WWP1: variants seen among roughly 807,000 people sequenced by gnomAD.
WWP1 encodes WW domain containing E3 ubiquitin protein ligase 1, also known as NEDD4-like E3 ubiquitin-protein ligase WWP1.
In WWP1, 49 loss-of-function variants were observed where a neutral mutation model predicts 130.6. That is an observed-to-expected ratio of 0.38 (90% CI 0.30 to 0.48). The LOEUF is 0.48. Among genes scored for constraint, WWP1 ranks in the 20% least tolerant of loss-of-function variants. The pLI is 0.99. For missense variants in WWP1, 809 were observed against 1,100.6 expected (o/e 0.74, Z 3.75); for synonymous variants, 332 against 367.8 (o/e 0.90, Z 1.11).
In WWP1 at chr8:86,402,790, A is replaced by G. The variant is rs186405412; in HGVS notation, c.724+587A>G. ...GCTTTGCCACAAAAAATACTATGTA[A>G]TTCATGATATAAAATATATTTCTGA... On this transcript the variant is annotated intron_variant, in intron 8 of 24. Coordinates refer to ENST00000517970, the MANE Select transcript of WWP1 (RefSeq NM_007013.4). Among the ~76,000 whole-genome samples, 651 of 152,346 alleles carry G rather than the reference A, an allele frequency of 4.3e-3. 6 individuals carry two copies. Among genetic ancestry groups the G allele is most frequent in the African/African-American group, 0.015 (616 of 41,574 alleles).
At chr8:86,405,635 G>T (rs190498779) in intron 8 of WWP1, among the ~76,000 whole-genome samples, 36 of 152,126 alleles carry the variant, frequency 2.4e-4, no homozygotes, top group African/African-American at 8.0e-4. Flanking sequence ...GGGCTCAAGC[G>T]ATCCTCCTGC....
In WWP1 at chr8:86,461,805, A is replaced by G. The variant is rs1158172060; in HGVS notation, c.2628A>G (p.Glu876=). 1 of 1,614,110 alleles carries G rather than the reference A, an allele frequency of 6.2e-7. No individual in the cohort carries two copies. Among genetic ancestry groups the G allele is most frequent in the African/African-American group, 1.3e-5 (1 of 75,070 alleles). ...GSNGPQKFCI[E]KVGKDTWLPR... The stretch of plus-strand genomic sequence containing the variant: ...ATGGGCCTCAAAAGTTTTGCATTGA[A>G]AAAGTTGGCAAAGACACTTGGTTAC... The change falls in exon 24 of 25, where the codon GAA becomes GAG. Residue 876 remains glutamate, a synonymous_variant. Coordinates refer to ENST00000517970, the MANE Select transcript of WWP1 (RefSeq NM_007013.4).
chr8:86,435,320 G>GTAT (rs570295254), intron 14 of WWP1, 132 bp from the exon 15 acceptor site: 192 of 891,096 alleles, frequency 2.2e-4, no homozygotes, highest in Non-Finnish European at 2.4e-4. Flanking sequence ...CACCATGTAT[G>GTAT]TATACCCTTC....
intron 1 of WWP1, among the ~76,000 whole-genome samples, chr8:86,362,199 T>TATATATATATATATAC (rs1409280271): frequency 8.3e-6 from 1 of 121,030 alleles, no homozygotes; most frequent in African/African-American, 3.0e-5. Context: ...TATATATATA[T>TATATATATATATATAC]ATACTGGAAA....
chr8:86,363,006 A>G (rs925737678), intron 1 of WWP1, among the ~76,000 whole-genome samples: 3 of 152,196 alleles, frequency 2.0e-5, no homozygotes, highest in Non-Finnish European at 4.4e-5. Context: ...GCATTTATAT[A>G]GTACTCGATA....
At chr8:86,366,177 G>A (rs2130252005) in intron 1 of WWP1, among the ~76,000 whole-genome samples, 1 of 152,330 alleles carries the variant, frequency 6.6e-6, no homozygotes, top group East Asian at 1.9e-4. Flanking sequence ...CAGTGGTAGA[G>A]ATTCCTAGTG....
intron 9 of WWP1, among the ~76,000 whole-genome samples, chr8:86,421,218 C>A (rs891365861): frequency 1.3e-5 from 2 of 151,902 alleles, no homozygotes; most frequent in Admixed American, 6.6e-5. Context: ...CATGAGTGTT[C>A]CAGTGTAGGA....
chr8:86,438,548 G>A (rs1238254387), intron 16 of WWP1, 37 bp from the exon 17 acceptor site: 2 of 1,481,016 alleles, frequency 1.4e-6, no homozygotes, highest in Admixed American at 2.1e-5. Context: ...TGTACTGCAT[G>A]TGAGTATTTA....
chr8:86,396,685 C>T (rs1807692594), intron 5 of WWP1, among the ~76,000 whole-genome samples: 1 of 151,660 alleles, frequency 6.6e-6, no homozygotes, highest in Non-Finnish European at 1.5e-5. Context: ...CCTCGAACTC[C>T]TGGGCTTACA....
At chr8:86,430,512 A>C (rs763797591) in intron 11 of WWP1, among the ~76,000 whole-genome samples, 185 bp from the exon 12 acceptor site, 1 of 151,966 alleles carries the variant, frequency 6.6e-6, no homozygotes, top group Non-Finnish European at 1.5e-5. Flanking sequence ...CCTGGGCTTA[A>C]GTAATCCTCC....
At chr8:86,372,767 AT>A (rs1018506057) in intron 2 of WWP1, among the ~76,000 whole-genome samples, 3 of 150,520 alleles carry the variant, frequency 2.0e-5, no homozygotes, top group African/African-American at 7.3e-5. Context: ...ATTTTGTTTC[AT>A]TTTTTTCCCC....
intron 1 of WWP1, among the ~76,000 whole-genome samples, chr8:86,356,742 A>G (rs1001304103): frequency 6.6e-6 from 1 of 152,222 alleles, no homozygotes; most frequent in Admixed American, 6.5e-5. Flanking sequence ...TCTAGTAAAC[A>G]TAGTAACTGA....
chr8:86,346,549 T>G lies in WWP1; in HGVS notation c.-115+3619T>G, dbSNP rs151253512. Reference sequence around the variant, plus strand: ...ATGAAGATTCCTACTCAATTTTTTTTGGGTGGATTAAGTAGCTAGCTAGTA... The same window carrying G: ...ATGAAGATTCCTACTCAATTTTTTTGGGGTGGATTAAGTAGCTAGCTAGTA... On this transcript the variant is annotated intron_variant, in intron 1 of 24. Coordinates refer to ENST00000517970, the MANE Select transcript of WWP1 (RefSeq NM_007013.4). Among the ~76,000 whole-genome samples, 424 of 152,324 alleles carry G rather than the reference T, an allele frequency of 2.8e-3. 3 individuals are homozygous for G. Among genetic ancestry groups the G allele is most frequent in the African/African-American group, 8.2e-3 (340 of 41,570 alleles).
intron 3 of WWP1, among the ~76,000 whole-genome samples, chr8:86,375,628 C>T (rs1414946785): frequency 2.6e-5 from 4 of 152,050 alleles, no homozygotes; most frequent in Admixed American, 6.6e-5. Flanking sequence ...TTCATCATTG[C>T]GCCATATCCT....
intron 24 of WWP1, among the ~76,000 whole-genome samples, chr8:86,466,212 A>G (rs1051183887): frequency 2.0e-5 from 3 of 152,210 alleles, no homozygotes; most frequent in Admixed American, 1.3e-4. Flanking sequence ...TAAAATTTTT[A>G]TCAGTTAATA....
chr8:86,421,125 T>A (rs1156376183), intron 9 of WWP1, among the ~76,000 whole-genome samples: 1 of 152,184 alleles, frequency 6.6e-6, no homozygotes, highest in Non-Finnish European at 1.5e-5. Context: ...TATAAACAAA[T>A]AAAGTAAATC....
intron 11 of WWP1, among the ~76,000 whole-genome samples, chr8:86,428,717 G>C (rs1809766476): frequency 1.3e-5 from 2 of 152,138 alleles, no homozygotes; most frequent in African/African-American, 4.8e-5. Context: ...GCTGCCTTCA[G>C]TTGCTGGTTC....
At position 86,458,067 on chromosome 8, in the gene WWP1, T is replaced by C. The variant is rs529548242; in HGVS notation, c.2499+42T>C. 31 of 1,500,822 alleles carry C rather than the reference T, an allele frequency of 2.1e-5. No individual in the cohort carries two copies. In the East Asian group the frequency reaches 2.7e-4, roughly 13 times the overall value. 93.0% of individuals were successfully genotyped at this position (1,500,822 alleles called of 1,614,324 possible). A position where few individuals can be genotyped will look rare whatever the true frequency, so the allele number is the denominator to read the frequency against. ...TTTTTGAAACAAAGTACTCAACATA[T>C]TTTCTAATGAAATGGTGGTTTTAAA... is the stretch of plus-strand genomic sequence containing the variant. On this transcript the variant is annotated intron_variant, in intron 22 of 24. Coordinates refer to ENST00000517970, the MANE Select transcript of WWP1 (RefSeq NM_007013.4).
At chr8:86,457,324 T>C (rs11997927) in intron 21 of WWP1, among the ~76,000 whole-genome samples, 22,318 of 151,864 alleles carry the variant, frequency 0.15, 1,796 homozygotes, top group Non-Finnish European at 0.19. Context: ...TTTTCAAATA[T>C]ATAAGATAGC....
Sources: gnomAD v4.1 joint callset for allele counts (sites outside exome capture counted in the v4.1 genomes callset) on GRCh38, gnomAD v4.1.1 for gene constraint, MANE v1.5 for transcripts, NCBI Gene and HGNC (gene_info 2026-07-23, HGNC 2026-07-21) for gene names.